RNMT: variants seen among roughly 807,000 people sequenced by gnomAD.
The protein encoded by RNMT is RNA guanine-7 methyltransferase.
Under a neutral mutation model 56.0 loss-of-function variants are expected in RNMT, and 27 were observed. The ratio of observed to expected loss-of-function variants is 0.48; its 90% CI spans 0.36 to 0.67. The LOEUF (loss-of-function observed/expected upper bound fraction) is 0.67, where lower values mean the gene tolerates loss of function less well. RNMT is among the 30% of genes least tolerant of loss of function. The pLI is 0.00. For missense variants in RNMT, 519 were observed against 552.1 expected (o/e 0.94, Z 0.60); for synonymous variants, 184 against 176.2 (o/e 1.04, Z -0.35).
chr18:13,744,682 T>C (rs1410850946), intron 8 of RNMT, among the ~76,000 whole-genome samples: 1 of 152,212 alleles, frequency 6.6e-6, no homozygotes, highest in Non-Finnish European at 1.5e-5. Context: ...GAATCCTGCC[T>C]TACGTATACC....
chr18:13,745,160 T>G (rs986035646), intron 8 of RNMT, among the ~76,000 whole-genome samples: 5 of 152,180 alleles, frequency 3.3e-5, no homozygotes, highest in Admixed American at 2.6e-4. Context: ...GCAGCATTCC[T>G]TTACAGATGA....
intron 9 of RNMT, among the ~76,000 whole-genome samples, chr18:13,751,717 C>G (rs2044450690): frequency 6.6e-6 from 1 of 152,154 alleles, no homozygotes; most frequent in Non-Finnish European, 1.5e-5. Context: ...TGAAACCAAC[C>G]CAGATGTCCA....
At chr18:13,757,944 G>A (rs1231493529) in intron 11 of RNMT, among the ~76,000 whole-genome samples, 3 of 152,214 alleles carry the variant, frequency 2.0e-5, no homozygotes, top group Admixed American at 6.5e-5. Flanking sequence ...TGTATTAGCA[G>A]CCATGAAAAT....
In RNMT at chr18:13,762,235, G is replaced by T; in HGVS notation, c.*2256G>T. 7.1e-7 allele frequency: 1 copy of T among 1,403,714 alleles called. No homozygotes were observed. The highest frequency in any genetic ancestry group is 1.4e-5 in the South Asian group (1 of 70,696). The allele number at this position is 1,403,714 out of a possible 1,614,324, so 87.0% of individuals were successfully genotyped here. ...AACTGGGGATTGCGATGATTGATCT[G>T]GGAACATGGCTGGATTGTGATTTAA... On this transcript the variant is annotated 3_prime_UTR_variant, in exon 12 of 12. Coordinates refer to ENST00000383314, the MANE Select transcript of RNMT (RefSeq NM_003799.3).
At position 13,762,933 on chromosome 18, in the gene RNMT, C is replaced by A; in HGVS notation, c.*2954C>A. On this transcript the variant is annotated 3_prime_UTR_variant, in exon 12 of 12. Coordinates refer to ENST00000383314, the MANE Select transcript of RNMT (RefSeq NM_003799.3). ...ATGCCAGTGTGAATATTCTAGCTACCAAACATTGTTTTTTGTTGAAAAACT... is the reference window on the plus strand; with the variant it reads ...ATGCCAGTGTGAATATTCTAGCTACAAAACATTGTTTTTTGTTGAAAAACT... The A allele has an allele frequency of 2.7e-6, 1 of 368,854 alleles. No homozygotes were observed. 22.8% of individuals were successfully genotyped at this position (368,854 alleles called of 1,614,324 possible).
chr18:13,751,355 A>G lies in RNMT; in HGVS notation c.1258-971A>G, dbSNP rs185373387. 2.6e-5 allele frequency among the ~76,000 whole-genome samples: 4 copies of G among 152,370 alleles called. No individual in the cohort carries two copies. In the East Asian group the frequency reaches 7.7e-4, roughly 29 times the overall value. ...AACACGACATTTATGCAGCCAACAG[A>G]CACAGAGGAAATGCTCATCATCACT... On this transcript the variant is annotated intron_variant, in intron 9 of 11. Coordinates refer to ENST00000383314, the MANE Select transcript of RNMT (RefSeq NM_003799.3).
rs117167766 is a variant in RNMT, at chr18:13,732,553, T to C, written c.417+619T>C. ...TGCCTAATATTTAGCAAAGATATTA[T>C]AGGGCAAGTTGTTTTCATCTGGAAG... On this transcript the variant is annotated intron_variant, in intron 3 of 11. Transcript: ENST00000383314. Among the ~76,000 whole-genome samples the C allele has an allele frequency of 7.4e-3, 1,134 of 152,306 alleles. 8 individuals carry two copies. The highest frequency in any genetic ancestry group is 0.041 in the Middle Eastern group (12 of 294).
rs184631287 is a variant in RNMT at position 13,740,174 on chromosome 18, C to A, written c.687C>A (p.Ala229=). ...RINKLVCTDI[A]DVSVKQCQQR... ...ACCCTTCCATCCTTCCAGATATTGC[C>A]GATGTTTCTGTCAAACAGTGTCAGC... Residue 229 remains alanine (A), a synonymous_variant, in exon 6 of 12, where the codon GCC becomes GCA. Transcript: ENST00000383314. 6.2e-7 allele frequency: 1 copy of A among 1,603,652 alleles called. No homozygotes were observed. Among genetic ancestry groups the A allele is most frequent in the African/African-American group, 1.3e-5 (1 of 74,792 alleles).
chr18:13,730,346 C>A (rs1039019802), intron 1 of RNMT: 7 of 152,214 alleles, frequency 4.6e-5, no homozygotes, highest in Non-Finnish European at 1.0e-4. Context: ...AAAGCCATTT[C>A]TACTCTCTTC....
At chr18:13,754,202 G>C (rs948590390) in intron 11 of RNMT, 55 bp downstream of exon 11, 14 of 1,243,390 alleles carry the variant, frequency 1.1e-5, no homozygotes, top group Non-Finnish European at 1.6e-5. Context: ...CTGTTTCAAA[G>C]TGATCATTAA....
rs377115343 is a variant in RNMT at position 13,728,917 on chromosome 18, C to T, written c.-171-1710C>T. On this transcript the variant is annotated intron_variant, in intron 1 of 11. Coordinates refer to ENST00000383314, the MANE Select transcript of RNMT (RefSeq NM_003799.3). ...GAATGGTTTTGCAGATATTTTCTCC[C>T]ATTCTCTAGGTTATCTCTTCACTCT... Among the ~76,000 whole-genome samples the T allele has an allele frequency of 8.5e-5, 13 of 152,188 alleles. No homozygotes were observed. The East Asian group carries it at 2.1e-3, about 25-fold the overall frequency.
chr18:13,762,169 T>C lies in RNMT; in HGVS notation c.*2190T>C, dbSNP rs1233714403. ...TGCAGTTTATCCTCTGAGAATGGAATTGGAAATGAAGACCTAACCAGCTAT... is the reference window on the plus strand; with the variant it reads ...TGCAGTTTATCCTCTGAGAATGGAACTGGAAATGAAGACCTAACCAGCTAT... On this transcript the variant is annotated 3_prime_UTR_variant, in exon 12 of 12. Transcript: ENST00000383314. The C allele has an allele frequency of 1.3e-6, 2 of 1,525,582 alleles. No individual in the cohort carries two copies. The highest frequency in any genetic ancestry group is 1.8e-6 in the Non-Finnish European group (2 of 1,142,212). The allele number at this position is 1,525,582 out of a possible 1,614,324, so 94.5% of individuals were successfully genotyped here.
intron 1 of RNMT, among the ~76,000 whole-genome samples, chr18:13,728,320 TTTTTTTTTTTTGTGTGTGTGTGTGTG>T (rs774965456): frequency 5.2e-4 from 7 of 13,338 alleles, no homozygotes; most frequent in Admixed American, 1.9e-3. Context: ...TTTTTTTTTT[TTTTTTTTTTTTGTGTGTGTGTGTGTG>T]TGTGTGTGTG....
chr18:13,732,865 G>A (rs8097715), intron 3 of RNMT, among the ~76,000 whole-genome samples: 12,948 of 149,126 alleles, frequency 0.087, 717 homozygotes, highest in African/African-American at 0.16. Flanking sequence ...GGGTTCAAGC[G>A]ATTCTCCTGC....
chr18:13,730,009 C>T (rs551323576), intron 1 of RNMT, among the ~76,000 whole-genome samples: 200 of 152,228 alleles, frequency 1.3e-3, no homozygotes, highest in African/African-American at 4.7e-3. Flanking sequence ...AACCTGGTCT[C>T]GAACTCCAGA....
chr18:13,731,831 G>GA lies in RNMT; in HGVS notation c.319dup (p.Arg107LysfsTer4). ...GATGCTGAAGGCAATTCAAAGAAAA[G>GA]AAAAAGAGAAACTGAGGATGTTCCA... On this transcript the variant is annotated frameshift_variant, in exon 3 of 12. Transcript: ENST00000383314. LOFTEE classifies it high-confidence loss of function. 1 of 1,612,920 alleles carries GA rather than the reference G, an allele frequency of 6.2e-7. No individual in the cohort carries two copies. The highest frequency in any genetic ancestry group is 1.7e-5 in the Admixed American group (1 of 59,784).
At chr18:13,731,455 C>A in intron 2 of RNMT, 21 bp from the exon 3 acceptor site, 1 of 1,311,310 alleles carries the variant, frequency 7.6e-7, no homozygotes, top group Non-Finnish European at 1.1e-6. Flanking sequence ...ACAAGTAATA[C>A]CAATTTTTTT....
chr18:13,761,843 A>ACGC lies in RNMT; in HGVS notation c.*1865_*1866insGCC. ...ATCAGTTCTTCCTCCACCACCCTACACCCCCCTCCCCCCGGCCCCAAGCCC... is the reference window on the plus strand; with the variant it reads ...ATCAGTTCTTCCTCCACCACCCTACACGCCCCCCCTCCCCCCGGCCCCAAGCCC... On this transcript the variant is annotated 3_prime_UTR_variant, in exon 12 of 12. Transcript: ENST00000383314. The ACGC allele has an allele frequency of 8.7e-7, 1 of 1,149,666 alleles. No homozygotes were observed. Among genetic ancestry groups the ACGC allele is most frequent in the Non-Finnish European group, 1.1e-6 (1 of 920,664 alleles). The allele number at this position is 1,149,666 out of a possible 1,614,324, so 71.2% of individuals were successfully genotyped here.
At chr18:13,743,065 C>T (rs1413794372) in intron 8 of RNMT, 1 of 155,888 alleles carries the variant, frequency 6.4e-6, no homozygotes, top group Non-Finnish European at 1.4e-5. Context: ...TGGCTCACGC[C>T]TGTAATCCCA....
Sources: gnomAD v4.1 joint callset for allele counts (sites outside exome capture counted in the v4.1 genomes callset) on GRCh38, gnomAD v4.1.1 for gene constraint, MANE v1.5 for transcripts, NCBI Gene and HGNC (gene_info 2026-07-23, HGNC 2026-07-21) for gene names.